The following MFN1 variants were observed in gnomAD, a reference collection of about 807,000 sequenced individuals.
The protein encoded by MFN1 is mitofusin-1.
A neutral mutation model predicts 92.4 loss-of-function variants in MFN1; 65 were observed. The ratio of observed to expected loss-of-function variants is 0.70; its 90% CI spans 0.58 to 0.86. The LOEUF is 0.86. Among genes scored for constraint, MFN1 ranks in the 40% least tolerant of loss-of-function variants. The pLI, the probability that MFN1 is intolerant of heterozygous loss-of-function variation, is 0.00. For missense variants in MFN1, 781 were observed against 868.0 expected (o/e 0.90, Z 1.26); for synonymous variants, 297 against 300.9 (o/e 0.99, Z 0.13).
chr3:179,377,330 T>C lies in MFN1; in HGVS notation c.1225-14T>C. On this transcript the variant is annotated splice_polypyrimidine_tract_variant and intron_variant, in intron 11 of 17. Coordinates refer to ENST00000471841, the MANE Select transcript of MFN1 (RefSeq NM_033540.3). ...TGTTTAATTATTTTAACTCCAAAAT[T>C]TTCATATTTTCAGGTTTCATGTGCA... 6.3e-7 allele frequency: 1 copy of C among 1,574,818 alleles called. No homozygotes were observed. Among genetic ancestry groups the C allele is most frequent in the South Asian group, 1.2e-5 (1 of 84,782 alleles).
At chr3:179,370,498 G>A (rs906804294) in intron 9 of MFN1, among the ~76,000 whole-genome samples, 3 of 144,036 alleles carry the variant, frequency 2.1e-5, no homozygotes, top group Admixed American at 7.5e-5. Context: ...TACAACCTCC[G>A]GCTCCTGGGT....
chr3:179,385,790 G>GA (rs1484459434), intron 15 of MFN1, 69 bp downstream of exon 15: 33 of 1,442,036 alleles, frequency 2.3e-5, no homozygotes, highest in Non-Finnish European at 3.1e-5. Context: ...GCTCACAAAA[G>GA]AAAAGGTATA....
chr3:179,390,114 TACAAA>T lies in MFN1; in HGVS notation c.2128_2132del (p.Asn710PhefsTer7), dbSNP rs781370495. The T allele has an allele frequency of 6.3e-7, 1 of 1,595,654 alleles. No homozygotes were observed. On this transcript the variant is annotated frameshift_variant, in exon 17 of 18. Coordinates refer to ENST00000471841, the MANE Select transcript of MFN1 (RefSeq NM_033540.3). LOFTEE classifies it high-confidence loss of function. Reference sequence around the variant, plus strand: ...AAAGAAATAGATCAGTTGGAGAAAATACAAAACAATTCAAAGCTCTTAAGGTATTT... The same window carrying T: ...AAAGAAATAGATCAGTTGGAGAAAATACAATTCAAAGCTCTTAAGGTATTT...
At chr3:179,390,654 A>G (rs1713864023) in intron 17 of MFN1, among the ~76,000 whole-genome samples, 1 of 152,190 alleles carries the variant, frequency 6.6e-6, no homozygotes, top group Non-Finnish European at 1.5e-5. Context: ...TGAAAGTGTC[A>G]CCATTCGGTC....
intron 14 of MFN1, 48 bp from the exon 15 acceptor site, chr3:179,385,521 A>G (rs766607791): frequency 6.6e-7 from 1 of 1,523,558 alleles, no homozygotes; most frequent in Non-Finnish European, 8.8e-7. Context: ...AGATAACTTT[A>G]TAGTTGTTTA....
At position 179,389,996 on chromosome 3, in the gene MFN1, A is replaced by G; in HGVS notation, c.2013-8A>G. The G allele has an allele frequency of 1.9e-6, 3 of 1,593,266 alleles. No homozygotes were observed. Among genetic ancestry groups the G allele is most frequent in the Non-Finnish European group, 2.6e-6 (3 of 1,174,466 alleles). On this transcript the variant is annotated splice_polypyrimidine_tract_variant and splice_region_variant and intron_variant, in intron 16 of 17. Transcript: ENST00000471841. ...CATTTATGACTGCTTCTAAATTTTT[A>G]TTTTAAGACAAATAGCTACCACTTT...
At position 179,364,053 on chromosome 3, in the gene MFN1, A is replaced by G. The variant is rs1361932158; in HGVS notation, c.537-244A>G. 2.0e-5 allele frequency among the ~76,000 whole-genome samples: 3 copies of G among 152,112 alleles called. No individual in the cohort carries two copies. The East Asian group carries it at 5.8e-4, about 29-fold the overall frequency. Reference sequence around the variant, plus strand: ...ATAGCTGCTTGAACCCTCATTGTTTAGTATCTATTAGCCTAGTTTTATATT... The same window carrying G: ...ATAGCTGCTTGAACCCTCATTGTTTGGTATCTATTAGCCTAGTTTTATATT... On this transcript the variant is annotated intron_variant, in intron 5 of 17. Transcript: ENST00000471841.
At chr3:179,387,729 A>ATTT (rs74948664) in intron 16 of MFN1, among the ~76,000 whole-genome samples, 3 of 119,680 alleles carry the variant, frequency 2.5e-5, no homozygotes, top group South Asian at 2.8e-4. Context: ...CACCCAGCTA[A>ATTT]TTTTTTTTTT....
At chr3:179,373,818 C>T (rs1479877038) in intron 9 of MFN1, among the ~76,000 whole-genome samples, 1 of 151,838 alleles carries the variant, frequency 6.6e-6, no homozygotes, top group Non-Finnish European at 1.5e-5. Flanking sequence ...GGACTACAAG[C>T]GCGTGCCACC....
chr3:179,374,334 TAA>T (rs1491554757), intron 9 of MFN1, among the ~76,000 whole-genome samples: 44 of 40,974 alleles, frequency 1.1e-3, no homozygotes, highest in African/African-American at 0.01. Flanking sequence ...CATATATATG[TAA>T]TATATATATA....
chr3:179,376,534 T>C (rs1319331519), intron 10 of MFN1, among the ~76,000 whole-genome samples: 1 of 152,086 alleles, frequency 6.6e-6, no homozygotes, highest in Admixed American at 6.6e-5. Context: ...CAAACTTTTG[T>C]TTAAAAAAAG....
rs930435303 is a variant in MFN1, at chr3:179,393,562, T to C, written c.*1503T>C. 2 of 152,206 alleles carry C rather than the reference T, an allele frequency of 1.3e-5. No homozygotes were observed. Among genetic ancestry groups the C allele is most frequent in the African/African-American group, 2.4e-5 (1 of 41,448 alleles). The allele number at this position is 152,206 out of a possible 1,614,324, so 9.4% of individuals were successfully genotyped here. A position where few individuals can be genotyped will look rare whatever the true frequency, so the allele number is the denominator to read the frequency against. ...AGGCCATTGAAGCCTTTCAAAAATA[T>C]ATTTTTATGCAAATTGACACGAGTG... On this transcript the variant is annotated 3_prime_UTR_variant, in exon 18 of 18. Coordinates refer to ENST00000471841, the MANE Select transcript of MFN1 (RefSeq NM_033540.3).
chr3:179,382,784 T>C (rs1246866306), intron 14 of MFN1, among the ~76,000 whole-genome samples: 2 of 152,228 alleles, frequency 1.3e-5, no homozygotes, highest in Admixed American at 6.5e-5. Flanking sequence ...TGAGATGATA[T>C]CTCATTGTGG....
chr3:179,387,042 C>T (rs1234343858), intron 16 of MFN1, among the ~76,000 whole-genome samples: 2 of 151,834 alleles, frequency 1.3e-5, no homozygotes, highest in African/African-American at 2.4e-5. Flanking sequence ...CAGCCTCCCA[C>T]GTAGCTGGGA....
At chr3:179,387,460 C>T (rs56021097) in intron 16 of MFN1, among the ~76,000 whole-genome samples, 1 of 151,972 alleles carries the variant, frequency 6.6e-6, no homozygotes, top group Non-Finnish European at 1.5e-5. Context: ...GCACAAGAAT[C>T]GCTTGACCCT....
At chr3:179,348,628 G>A in intron 1 of MFN1, 1 of 552,454 alleles carries the variant, frequency 1.8e-6, no homozygotes, top group South Asian at 4.6e-5. Flanking sequence ...TTGCAACCAA[G>A]ATTTTGGCTA....
rs750623198 is a variant in MFN1, at chr3:179,364,310, G to A, written c.550G>A (p.Val184Ile). 6.2e-7 allele frequency: 1 copy of A among 1,611,264 alleles called. No individual in the cohort carries two copies. The highest frequency in any genetic ancestry group is 1.1e-5 in the South Asian group (1 of 90,482). The change falls in exon 6 of 18, where the codon GTC (valine) becomes ATC (isoleucine). Residue 184 changes from valine (V) to isoleucine (I), a missense_variant. By Grantham distance (29) the Val-to-Ile change is conservative. Transcript: ENST00000471841. ...CACTCTCATTAGTCCAGGCACAGATGTCACTACAGAGCTGGATAGCTGGAT... is the reference window on the plus strand; with the variant it reads ...CACTCTCATTAGTCCAGGCACAGATATCACTACAGAGCTGGATAGCTGGAT... ...LVLVDSPGTDVTTELDSWIDK... is the reference protein window; with the variant it reads ...LVLVDSPGTDITTELDSWIDK...
rs924237930 is a variant in MFN1 at position 179,392,674 on chromosome 3, T to C, written c.*615T>C. The C allele has an allele frequency of 1.3e-5, 2 of 152,208 alleles. No homozygotes were observed. Among genetic ancestry groups the C allele is most frequent in the African/African-American group, 4.8e-5 (2 of 41,458 alleles). 9.4% of individuals were successfully genotyped at this position (152,208 alleles called of 1,614,324 possible). On this transcript the variant is annotated 3_prime_UTR_variant, in exon 18 of 18. Transcript: ENST00000471841. ...TATAAGTATCTGGGTCTAAGTAATT[T>C]CCTTAGATGTTTCTAAAGAAACATT...
At chr3:179,376,872 T>C in intron 10 of MFN1, 170 bp from the exon 11 acceptor site, 1 of 537,044 alleles carries the variant, frequency 1.9e-6, no homozygotes, top group African/African-American at 2.0e-5. Flanking sequence ...AAATCATCTA[T>C]ATAAAATACT....
Sources: allele counts gnomAD v4.1 joint callset (sites outside exome capture counted in the v4.1 genomes callset), GRCh38; gene constraint gnomAD v4.1.1; transcripts MANE v1.5; gene names NCBI Gene and HGNC (gene_info 2026-07-23, HGNC 2026-07-21).